Variants in ULK4 observed in about 807,000 individuals in gnomAD.
ULK4 encodes unc-51 like kinase 4.
Under a neutral mutation model 160.6 loss-of-function variants are expected in ULK4, and 133 were observed. The ratio of observed to expected loss-of-function variants is 0.83; its 90% confidence interval spans 0.72 to 0.96. The LOEUF (loss-of-function observed/expected upper bound fraction) is 0.96, where lower values mean the gene tolerates loss of function less well. Among genes scored for constraint, ULK4 ranks in the 40% least tolerant of loss-of-function variants. The pLI, the probability that ULK4 is intolerant of heterozygous loss-of-function variation, is 0.00. For synonymous variants in ULK4, 534 were observed against 539.8 expected (o/e 0.99, Z 0.15); for missense variants, 1,580 against 1,499.5 (o/e 1.05, Z -0.89).
At chr3:41,737,980 G>A (rs767953440) in intron 22 of ULK4, among the ~76,000 whole-genome samples, 1 of 151,862 alleles carries the variant, frequency 6.6e-6, no homozygotes, top group Admixed American at 6.6e-5. Flanking sequence ...GGTAAGAAGA[G>A]ACAAATGAAA....
chr3:41,520,427 T>C (rs894942665), intron 32 of ULK4, among the ~76,000 whole-genome samples: 2 of 152,266 alleles, frequency 1.3e-5, no homozygotes, highest in Non-Finnish European at 2.9e-5. Flanking sequence ...TTTCACTGTA[T>C]GCATATACTA....
At chr3:41,589,190 A>G (rs1247163516) in intron 31 of ULK4, among the ~76,000 whole-genome samples, 1 of 152,132 alleles carries the variant, frequency 6.6e-6, no homozygotes, top group Non-Finnish European at 1.5e-5. Context: ...TGAACCTACC[A>G]CTGACCAGGT....
intron 35 of ULK4, among the ~76,000 whole-genome samples, chr3:41,297,623 C>A (rs2079696187): frequency 6.6e-6 from 1 of 152,174 alleles, no homozygotes; most frequent in Non-Finnish European, 1.5e-5. Context: ...AGTTAGGAGC[C>A]AATCCTGTTT....
At chr3:41,410,675 G>A (rs1167524607) in intron 34 of ULK4, among the ~76,000 whole-genome samples, 1 of 152,132 alleles carries the variant, frequency 6.6e-6, no homozygotes, top group Non-Finnish European at 1.5e-5. Context: ...CAATAAAACT[G>A]TTATAAAAAA....
chr3:41,747,444 C>CA (rs773422986), intron 22 of ULK4, among the ~76,000 whole-genome samples: 10 of 151,766 alleles, frequency 6.6e-5, no homozygotes, highest in Non-Finnish European at 1.5e-4. Flanking sequence ...AAAGCTGTGC[C>CA]AGAGACTTGG....
rs117397183 is a variant in ULK4, at chr3:41,683,753, C to T, written c.2782-1949G>A. 2.8e-4 allele frequency among the ~76,000 whole-genome samples: 43 copies of T among 152,096 alleles called. 1 individual carries two copies. In the East Asian group the frequency reaches 5.6e-3, roughly 20 times the overall value. On this transcript the variant is annotated intron_variant, in intron 27 of 36. Transcript: ENST00000301831. ...CTGGTTCAACCTCAATAGACACCCACGCAGCATAGGCAAAAACAGTCATTC... is the reference window on the plus strand; with the variant it reads ...CTGGTTCAACCTCAATAGACACCCATGCAGCATAGGCAAAAACAGTCATTC...
At chr3:41,892,986 T>C (rs1359594184) in intron 16 of ULK4, among the ~76,000 whole-genome samples, 1 of 152,230 alleles carries the variant, frequency 6.6e-6, no homozygotes, top group Non-Finnish European at 1.5e-5. Context: ...CCTTCTTCCC[T>C]AGCAACACTC....
At chr3:41,868,922 T>C (rs1696996659) in intron 17 of ULK4, 1 of 152,206 alleles carries the variant, frequency 6.6e-6, no homozygotes, top group Non-Finnish European at 1.5e-5. Flanking sequence ...TTGCTTTCTA[T>C]TTGCCCCATT....
chr3:41,770,066 G>A (rs1422441127), intron 21 of ULK4, among the ~76,000 whole-genome samples: 1 of 152,168 alleles, frequency 6.6e-6, no homozygotes, highest in Non-Finnish European at 1.5e-5. Flanking sequence ...AAGTACCTAA[G>A]TAAAATGTCT....
intron 2 of ULK4, among the ~76,000 whole-genome samples, chr3:41,940,151 A>G (rs1178262983): frequency 1.3e-5 from 2 of 152,078 alleles, no homozygotes; most frequent in Non-Finnish European, 2.9e-5. Flanking sequence ...AGTATCAAAG[A>G]TCTGAACCTC....
chr3:41,364,696 C>G (rs887374539), intron 35 of ULK4, among the ~76,000 whole-genome samples: 3 of 152,156 alleles, frequency 2.0e-5, no homozygotes, highest in Non-Finnish European at 4.4e-5. Context: ...TGGATGTTAG[C>G]AGGCCTTCTA....
At chr3:41,297,067 A>G (rs931838232) in intron 35 of ULK4, among the ~76,000 whole-genome samples, 6 of 152,124 alleles carry the variant, frequency 3.9e-5, no homozygotes, top group African/African-American at 1.4e-4. Context: ...AAGAGGGGCT[A>G]TGTTCTGCTG....
intron 20 of ULK4, among the ~76,000 whole-genome samples, chr3:41,790,684 G>T (rs560878613): frequency 2.0e-5 from 3 of 152,160 alleles, no homozygotes; most frequent in African/African-American, 7.2e-5. Context: ...GATGCAATTA[G>T]AACATTTATC....
chr3:41,869,668 G>GTGTTT, intron 17 of ULK4, among the ~76,000 whole-genome samples: 1 of 152,150 alleles, frequency 6.6e-6, no homozygotes, highest in Non-Finnish European at 1.5e-5. Context: ...AAACACTTCC[G>GTGTTT]CATGTGTTCC....
At chr3:41,531,834 C>T (rs1459785752) in intron 32 of ULK4, among the ~76,000 whole-genome samples, 1 of 152,146 alleles carries the variant, frequency 6.6e-6, no homozygotes, top group African/African-American at 2.4e-5. Context: ...AGTATGCTGC[C>T]TTGTAGGAAA....
intron 16 of ULK4, among the ~76,000 whole-genome samples, chr3:41,891,815 G>T (rs530136552): frequency 1.3e-5 from 2 of 152,278 alleles, no homozygotes; most frequent in East Asian, 1.9e-4. Context: ...TGAAGCAGAA[G>T]AATCACTTGA....
At chr3:41,540,471 T>C (rs996039740) in intron 32 of ULK4, among the ~76,000 whole-genome samples, 2 of 152,248 alleles carry the variant, frequency 1.3e-5, no homozygotes, top group Non-Finnish European at 2.9e-5. Context: ...AAGTCTTTGC[T>C]ATTGTGGATA....
At chr3:41,595,621 G>T (rs1199066040) in intron 31 of ULK4, among the ~76,000 whole-genome samples, 1 of 152,144 alleles carries the variant, frequency 6.6e-6, no homozygotes, top group Non-Finnish European at 1.5e-5. Context: ...TAGGGAGGTG[G>T]GAGGGAAACT....
chr3:41,249,373 C>T (rs1214318499), intron 36 of ULK4, 116 bp downstream of exon 36: 2 of 936,982 alleles, frequency 2.1e-6, no homozygotes, highest in Non-Finnish European at 3.2e-6. Flanking sequence ...CAGTGATGGG[C>T]TGGAAGGTGG....
Sources: allele counts gnomAD v4.1 joint callset (sites outside exome capture counted in the v4.1 genomes callset), GRCh38; gene constraint gnomAD v4.1.1; transcripts MANE v1.5; gene names NCBI Gene and HGNC (gene_info 2026-07-23, HGNC 2026-07-21).